Variants in KLF8 observed in about 807,000 individuals in gnomAD.
The protein encoded by KLF8 is KLF transcription factor 8.
In KLF8, 10 loss-of-function variants were observed where a neutral mutation model predicts 18.2. The ratio of observed to expected loss-of-function variants is 0.55; its 90% CI spans 0.34 to 0.93. The LOEUF (loss-of-function observed/expected upper bound fraction) is 0.93. Among genes scored for constraint, KLF8 ranks in the 40% least tolerant of loss-of-function variants. The pLI is 0.02. For synonymous variants in KLF8, 109 were observed against 97.3 expected (o/e 1.12, Z -0.71); for missense variants, 264 against 277.9 (o/e 0.95, Z 0.36).
At chrX:56,190,413 A>G in the KLF8 span, among the ~76,000 whole-genome samples, 2 of 111,957 alleles carry the variant, frequency 1.8e-5, no homozygotes, top group South Asian at 7.4e-4. Flanking sequence ...TCAGTATTAG[A>G]CAGATGTTCC....
the KLF8 span, among the ~76,000 whole-genome samples, chrX:56,182,199 A>C: frequency 9.0e-6 from 1 of 111,460 alleles, no homozygotes; most frequent in Non-Finnish European, 1.9e-5. Flanking sequence ...TTCTCGCTTC[A>C]TTTCAATTAT....
the KLF8 span, among the ~76,000 whole-genome samples, chrX:56,041,184 G>T: frequency 2.3e-4 from 25 of 109,910 alleles, no homozygotes; most frequent in African/African-American, 7.3e-4. Context: ...GAGTGCAATG[G>T]CATGATCTCG....
chrX:56,209,681 G>T, the KLF8 span, among the ~76,000 whole-genome samples: 1 of 111,300 alleles, frequency 9.0e-6, no homozygotes, highest in African/African-American at 3.3e-5. Flanking sequence ...TGTGTTTTCT[G>T]TTTTGTTTTT....
chrX:56,189,955 G>A, the KLF8 span, among the ~76,000 whole-genome samples: 6 of 106,668 alleles, frequency 5.6e-5, no homozygotes, highest in Non-Finnish European at 1.2e-4. Context: ...CACCAGCATG[G>A]CACATGTATA....
the KLF8 span, among the ~76,000 whole-genome samples, chrX:56,093,191 G>T: frequency 2.5e-4 from 28 of 110,872 alleles, no homozygotes; most frequent in African/African-American, 8.8e-4. Flanking sequence ...CAGAAATCCA[G>T]GTAGCTCTTA....
At chrX:56,086,340 G>T in the KLF8 span, among the ~76,000 whole-genome samples, 3 of 111,466 alleles carry the variant, frequency 2.7e-5, no homozygotes, top group Non-Finnish European at 3.8e-5. Context: ...CCCAGTGATT[G>T]ATTTTCTTAC....
the KLF8 span, among the ~76,000 whole-genome samples, chrX:56,172,876 A>C: frequency 1.3e-3 from 148 of 111,661 alleles, 1 homozygote; most frequent in African/African-American, 4.7e-3. Flanking sequence ...GCATTTTTTC[A>C]TGTGTCTTTT....
the KLF8 span, among the ~76,000 whole-genome samples, chrX:56,199,152 G>A: frequency 8.9e-6 from 1 of 111,866 alleles, no homozygotes; most frequent in African/African-American, 3.2e-5. Flanking sequence ...GAAAACCTAG[G>A]CAATACCATT....
the KLF8 span, among the ~76,000 whole-genome samples, chrX:56,178,126 A>C: frequency 1.8e-5 from 2 of 110,955 alleles, no homozygotes; most frequent in South Asian, 3.8e-4. Context: ...ACTTTCTGAC[A>C]CTCCGCAGTG....
At chrX:56,141,870 G>A in the KLF8 span, among the ~76,000 whole-genome samples, 3 of 111,831 alleles carry the variant, frequency 2.7e-5, no homozygotes, top group Admixed American at 9.5e-5. Context: ...TGGGAATCAA[G>A]CCAAAAGTTA....
chrX:56,095,203 C>G, the KLF8 span, among the ~76,000 whole-genome samples: 7 of 111,576 alleles, frequency 6.3e-5, no homozygotes, highest in Non-Finnish European at 1.1e-4. Context: ...ACAAAGCCAA[C>G]AAAAATATAT....
the KLF8 span, among the ~76,000 whole-genome samples, chrX:56,156,181 T>A: frequency 2.7e-5 from 3 of 112,412 alleles, no homozygotes; most frequent in African/African-American, 9.7e-5. Context: ...AAAATAATTG[T>A]TTATGTTCTT....
the KLF8 span, among the ~76,000 whole-genome samples, chrX:56,220,296 T>C: frequency 2.7e-5 from 3 of 111,618 alleles, no homozygotes; most frequent in Non-Finnish European, 5.6e-5. Context: ...CACCTGGGAA[T>C]TTGTTACAAA....
the KLF8 span, among the ~76,000 whole-genome samples, chrX:56,058,437 C>T: frequency 4.0e-5 from 4 of 99,728 alleles, no homozygotes; most frequent in African/African-American, 7.3e-5. Context: ...TTTGTTGCAC[C>T]CATCAGCCCG....
At chrX:56,188,106 A>G in the KLF8 span, among the ~76,000 whole-genome samples, 165 of 111,128 alleles carry the variant, frequency 1.5e-3, no homozygotes, top group African/African-American at 5.2e-3. Context: ...AGATGACATG[A>G]TTGTATATCT....
chrX:56,136,996 A>T, the KLF8 span, among the ~76,000 whole-genome samples: 1 of 112,244 alleles, frequency 8.9e-6, no homozygotes, highest in African/African-American at 3.2e-5. Flanking sequence ...CAAAAAACAC[A>T]TGAAAAAATG....
chrX:56,076,603 G>A, the KLF8 span, among the ~76,000 whole-genome samples: 5 of 111,280 alleles, frequency 4.5e-5, no homozygotes, highest in South Asian at 3.8e-4. Flanking sequence ...ATAAACATAC[G>A]TGTGCATGTG....
chrX:56,151,746 G>T, the KLF8 span, among the ~76,000 whole-genome samples: 3 of 111,170 alleles, frequency 2.7e-5, no homozygotes, highest in South Asian at 1.1e-3. Context: ...AATGAGAGAT[G>T]TGAGTTGAAG....
intron 5 of KLF8, among the ~76,000 whole-genome samples, chrX:56,278,548 TC>T (rs2067153209): frequency 9.0e-6 from 1 of 111,327 alleles, no homozygotes; most frequent in Non-Finnish European, 1.9e-5. Flanking sequence ...TCCTTTTTAC[TC>T]TGCCCTCACC....
Sources: gnomAD v4.1 joint callset for allele counts (sites outside exome capture counted in the v4.1 genomes callset) on GRCh38, gnomAD v4.1.1 for gene constraint, MANE v1.5 for transcripts, NCBI Gene and HGNC (gene_info 2026-07-23, HGNC 2026-07-21) for gene names.